Variants in KPNA5 observed in about 807,000 individuals in gnomAD.
The protein encoded by KPNA5 is karyopherin subunit alpha 5, also known as importin subunit alpha-6.
A neutral mutation model predicts 71.3 loss-of-function variants in KPNA5; 46 were observed. The ratio of observed to expected loss-of-function variants is 0.65; its 90% CI spans 0.51 to 0.83. KPNA5 has a LOEUF of 0.83. Ranked by LOEUF, KPNA5 falls within the 40% of genes least tolerant of loss-of-function variation. The pLI, the probability that KPNA5 is intolerant of heterozygous loss-of-function variation, is 0.00. For synonymous variants in KPNA5, 207 were observed against 201.4 expected (o/e 1.03, Z -0.24); for missense variants, 547 against 628.3 (o/e 0.87, Z 1.38).
In KPNA5 at chr6:116,739,333, T is replaced by C. The variant is rs1433676156; in HGVS notation, c.*7010T>C. ...TTCAAGGAGAACTACAAACCACTGC[T>C]CAATGAAATAAAAGAGGATACAAAG... On this transcript the variant is annotated 3_prime_UTR_variant, in exon 14 of 14. Transcript: ENST00000368564. 1 of 152,096 alleles carries C rather than the reference T, an allele frequency of 6.6e-6. No homozygotes were observed. The highest frequency in any genetic ancestry group is 1.9e-4 in the East Asian group (1 of 5,172). The allele number at this position is 152,096 out of a possible 1,614,324, so 9.4% of individuals were successfully genotyped here. A position where few individuals can be genotyped will look rare whatever the true frequency, so the allele number is the denominator to read the frequency against.
chr6:116,684,673 TC>T (rs1777500265), intron 1 of KPNA5, among the ~76,000 whole-genome samples: 1 of 152,198 alleles, frequency 6.6e-6, no homozygotes, highest in Non-Finnish European at 1.5e-5. Context: ...TCTCCTTTGG[TC>T]ATCCTTCTTC....
At chr6:116,722,942 AC>A (rs139495687) in intron 9 of KPNA5, among the ~76,000 whole-genome samples, 2,692 of 152,274 alleles carry the variant, frequency 0.018, 68 homozygotes, top group African/African-American at 0.061. Flanking sequence ...GGTAGATGGC[AC>A]AAAGATAGGT....
At position 116,716,328 on chromosome 6, in the gene KPNA5, A is replaced by G. The variant is rs1442744593; in HGVS notation, c.756+10A>G. 1 of 1,522,698 alleles carries G rather than the reference A, an allele frequency of 6.6e-7. No individual in the cohort carries two copies. The allele number at this position is 1,522,698 out of a possible 1,614,324, so 94.3% of individuals were successfully genotyped here. ...TCCAAACTTTAGTAAGGTATGAGTA[A>G]AATACACAAATTAAAATATTTGTTT... On this transcript the variant is annotated intron_variant, in intron 8 of 13. Transcript: ENST00000368564.
chr6:116,714,162 A>G (rs1778804664), intron 7 of KPNA5, among the ~76,000 whole-genome samples: 1 of 152,224 alleles, frequency 6.6e-6, no homozygotes, highest in Non-Finnish European at 1.5e-5. Flanking sequence ...ACTATGGTTA[A>G]CTATGGAAAT....
At chr6:116,681,969 A>C (rs1777376381) in intron 1 of KPNA5, among the ~76,000 whole-genome samples, 1 of 152,144 alleles carries the variant, frequency 6.6e-6, no homozygotes, top group Non-Finnish European at 1.5e-5. Context: ...GATATGTCTA[A>C]AGAATATGAC....
At chr6:116,687,442 A>T (rs954794625) in intron 1 of KPNA5, among the ~76,000 whole-genome samples, 3 of 152,194 alleles carry the variant, frequency 2.0e-5, no homozygotes, top group African/African-American at 2.4e-5. Context: ...TTAGGGGGTG[A>T]CAACTGTTCT....
intron 7 of KPNA5, among the ~76,000 whole-genome samples, chr6:116,714,955 A>C (rs368894638): frequency 5.1e-4 from 77 of 152,286 alleles, no homozygotes; most frequent in Middle Eastern, 3.4e-3. Context: ...CAGGCTGGGG[A>C]GGGGGTTGCG....
At chr6:116,682,566 G>A (rs1777405861) in intron 1 of KPNA5, among the ~76,000 whole-genome samples, 1 of 152,134 alleles carries the variant, frequency 6.6e-6, no homozygotes, top group South Asian at 2.1e-4. Flanking sequence ...GCTTTGTGCA[G>A]TCTTTTACTT....
intron 13 of KPNA5, 121 bp downstream of exon 13, chr6:116,729,862 A>G: frequency 1.9e-6 from 1 of 534,700 alleles, no homozygotes. Context: ...AAGTTTTAAA[A>G]TGTCACCCGT....
At chr6:116,688,541 C>T (rs1407084888) in intron 1 of KPNA5, among the ~76,000 whole-genome samples, 1 of 152,006 alleles carries the variant, frequency 6.6e-6, no homozygotes, top group Non-Finnish European at 1.5e-5. Flanking sequence ...GATATCAATA[C>T]TGTTACATTG....
At chr6:116,685,701 G>A (rs1777554509) in intron 1 of KPNA5, among the ~76,000 whole-genome samples, 1 of 152,070 alleles carries the variant, frequency 6.6e-6, no homozygotes, top group East Asian at 1.9e-4. Context: ...TGGGCATTTA[G>A]GTTGATTCCA....
rs1779129156 is a variant in KPNA5 at position 116,722,119 on chromosome 6, C to T, written c.757-7C>T. 1.3e-6 allele frequency: 2 copies of T among 1,533,538 alleles called. No individual in the cohort carries two copies. The highest frequency in any genetic ancestry group is 8.8e-7 in the Non-Finnish European group (1 of 1,138,504). The allele number at this position is 1,533,538 out of a possible 1,614,324, so 95.0% of individuals were successfully genotyped here. ...AAAATTTAAATATGCTCTTTCTTCCCTTACAGGTTTCACCTTGCTTAAATG... is the reference window on the plus strand; with the variant it reads ...AAAATTTAAATATGCTCTTTCTTCCTTTACAGGTTTCACCTTGCTTAAATG... On this transcript the variant is annotated splice_region_variant and splice_polypyrimidine_tract_variant and intron_variant, in intron 8 of 13. Coordinates refer to ENST00000368564, the MANE Select transcript of KPNA5 (RefSeq NM_001366306.2).
Position 116,737,328 on chromosome 6 carries a change from C to G in KPNA5, c.*5005C>G, listed in dbSNP as rs901049839. ...CAAAAATTGTTTCCCCTTGTGCTTT[C>G]AGGTGATTCTTTAGAAGGCCTTGGG... On this transcript the variant is annotated 3_prime_UTR_variant, in exon 14 of 14. Transcript: ENST00000368564. 1.3e-5 allele frequency: 2 copies of G among 151,980 alleles called. No homozygotes were observed. The highest frequency in any genetic ancestry group is 4.8e-5 in the African/African-American group (2 of 41,402). The allele number at this position is 151,980 out of a possible 1,614,324, so 9.4% of individuals were successfully genotyped here.
chr6:116,705,219 C>T (rs1256091691), intron 7 of KPNA5, 59 bp downstream of exon 7: 3 of 1,264,308 alleles, frequency 2.4e-6, no homozygotes, highest in Non-Finnish European at 3.4e-6. Flanking sequence ...TGATATTCTA[C>T]ATACATAATT....
chr6:116,736,909 A>G lies in KPNA5; in HGVS notation c.*4586A>G, dbSNP rs1432436518. 1.3e-5 allele frequency: 2 copies of G among 151,670 alleles called. No individual in the cohort carries two copies. The highest frequency in any genetic ancestry group is 2.9e-5 in the Non-Finnish European group (2 of 67,852). The allele number at this position is 151,670 out of a possible 1,614,324, so 9.4% of individuals were successfully genotyped here. A position where few individuals can be genotyped will look rare whatever the true frequency, so the allele number is the denominator to read the frequency against. On this transcript the variant is annotated 3_prime_UTR_variant, in exon 14 of 14. Coordinates refer to ENST00000368564, the MANE Select transcript of KPNA5 (RefSeq NM_001366306.2). ...TAAAAATTCAATTTGGATCTGTTTT[A>G]TATCTTCCATTTTTTTTATCATACT... is the stretch of plus-strand genomic sequence containing the variant.
Position 116,741,138 on chromosome 6 carries a change from T to C in KPNA5, c.*8815T>C, listed in dbSNP as rs1185552667. 2.6e-5 allele frequency: 4 copies of C among 152,168 alleles called. No individual in the cohort carries two copies. Among genetic ancestry groups the C allele is most frequent in the Admixed American group, 2.6e-4 (4 of 15,246 alleles). The allele number at this position is 152,168 out of a possible 1,614,324, so 9.4% of individuals were successfully genotyped here. On this transcript the variant is annotated 3_prime_UTR_variant, in exon 14 of 14. Transcript: ENST00000368564. Reference sequence around the variant, plus strand: ...GTGTTGGTTTTAGTGAAATGGCCCATGTGTGTAAGAAAAGAATGTGTTTTG... The same window carrying C: ...GTGTTGGTTTTAGTGAAATGGCCCACGTGTGTAAGAAAAGAATGTGTTTTG...
In KPNA5 at chr6:116,734,699, G is replaced by C. The variant is rs1334406779; in HGVS notation, c.*2376G>C. On this transcript the variant is annotated 3_prime_UTR_variant, in exon 14 of 14. Coordinates refer to ENST00000368564, the MANE Select transcript of KPNA5 (RefSeq NM_001366306.2). ...GTATACCATTTAAAATATTTCATCA[G>C]GCAGAGCCCTGACCAGGAAAAAAAA... 2 of 145,726 alleles carry C rather than the reference G, an allele frequency of 1.4e-5. No homozygotes were observed. Among genetic ancestry groups the C allele is most frequent in the Admixed American group, 1.4e-4 (2 of 14,570 alleles). The allele number at this position is 145,726 out of a possible 1,614,324, so 9.0% of individuals were successfully genotyped here. A position where few individuals can be genotyped will look rare whatever the true frequency, so the allele number is the denominator to read the frequency against.
rs917571718 is a variant in KPNA5, at chr6:116,734,876, A to G, written c.*2553A>G. ...TAAATCCAAGAGAAACTATGCCGAA[A>G]AAAAGTGTTATAAAGAGGAATGCAT... On this transcript the variant is annotated 3_prime_UTR_variant, in exon 14 of 14. Coordinates refer to ENST00000368564, the MANE Select transcript of KPNA5 (RefSeq NM_001366306.2). The G allele has an allele frequency of 4.6e-5, 7 of 151,754 alleles. No homozygotes were observed. Among genetic ancestry groups the G allele is most frequent in the African/African-American group, 1.7e-4 (7 of 41,428 alleles). The allele number at this position is 151,754 out of a possible 1,614,324, so 9.4% of individuals were successfully genotyped here.
At position 116,736,893 on chromosome 6, in the gene KPNA5, A is replaced by G. The variant is rs1296313262; in HGVS notation, c.*4570A>G. The G allele has an allele frequency of 1.3e-5, 2 of 151,910 alleles. No homozygotes were observed. Among genetic ancestry groups the G allele is most frequent in the Non-Finnish European group, 2.9e-5 (2 of 67,922 alleles). The allele number at this position is 151,910 out of a possible 1,614,324, so 9.4% of individuals were successfully genotyped here. ...TTGTGTATTTTATCTTTAAAAATTC[A>G]ATTTGGATCTGTTTTATATCTTCCA... On this transcript the variant is annotated 3_prime_UTR_variant, in exon 14 of 14. Coordinates refer to ENST00000368564, the MANE Select transcript of KPNA5 (RefSeq NM_001366306.2).
Sources: gnomAD v4.1 joint callset for allele counts (sites outside exome capture counted in the v4.1 genomes callset) on GRCh38, gnomAD v4.1.1 for gene constraint, MANE v1.5 for transcripts, NCBI Gene and HGNC (gene_info 2026-07-23, HGNC 2026-07-21) for gene names.